RBFOX1: variants seen among roughly 807,000 people sequenced by gnomAD.
RBFOX1 encodes the protein RNA binding protein fox-1 homolog 1.
A neutral mutation model predicts 57.7 loss-of-function variants in RBFOX1; 8 were observed. That is an observed-to-expected ratio of 0.14 (90% confidence interval 0.08 to 0.25). RBFOX1 has a LOEUF of 0.25. Among genes scored for constraint, RBFOX1 ranks in the 10% least tolerant of loss-of-function variants. The pLI, the probability that RBFOX1 is intolerant of heterozygous loss-of-function variation, is 1.00. For missense variants in RBFOX1, 611 were observed against 548.5 expected, an observed-to-expected ratio of 1.11 and a Z score of -1.14; for synonymous variants, 326 against 222.4, an observed-to-expected ratio of 1.47 and a Z score of -4.15.
chr16:6,423,989 C>T (rs370018700), intron 2 of RBFOX1, among the ~76,000 whole-genome samples: 285 of 152,268 alleles, frequency 1.9e-3, no homozygotes, highest in African/African-American at 6.6e-3. Flanking sequence ...CCTGTAATCT[C>T]AGCGCTTTGG....
At chr16:5,772,387 C>G (rs896287666) in intron 3 of RBFOX1, among the ~76,000 whole-genome samples, 21 of 152,066 alleles carry the variant, frequency 1.4e-4, no homozygotes, top group Middle Eastern at 3.2e-3. Flanking sequence ...CACTTCTAAC[C>G]CACTGACTTG....
chr16:6,656,004 G>C (rs964610390), intron 3 of RBFOX1, among the ~76,000 whole-genome samples: 1 of 152,164 alleles, frequency 6.6e-6, no homozygotes, highest in African/African-American at 2.4e-5. Context: ...TTCAATCTGC[G>C]TGATCCCAGC....
intron 4 of RBFOX1, among the ~76,000 whole-genome samples, chr16:7,396,563 C>T (rs2098142152): frequency 6.6e-6 from 1 of 152,162 alleles, no homozygotes; most frequent in Non-Finnish European, 1.5e-5. Context: ...GCTGAGTTCT[C>T]ATTCTGGACT....
At chr16:5,657,676 TTTTCTTTC>T (rs199946037) in intron 3 of RBFOX1, among the ~76,000 whole-genome samples, 4 of 64,902 alleles carry the variant, frequency 6.2e-5, no homozygotes, top group East Asian at 4.6e-4. Context: ...CTTTCTTTTC[TTTTCTTTC>T]TTTCTTTCTT....
At chr16:7,514,245 T>C (rs1386382168) in intron 4 of RBFOX1, among the ~76,000 whole-genome samples, 1 of 152,170 alleles carries the variant, frequency 6.6e-6, no homozygotes, top group African/African-American at 2.4e-5. Context: ...CCAATAAAAC[T>C]TTATTTACAA....
intron 1 of RBFOX1, among the ~76,000 whole-genome samples, chr16:5,435,893 G>C (rs536851426): frequency 6.6e-6 from 1 of 152,246 alleles, no homozygotes. Context: ...ACTATCAACA[G>C]AGCTGCGGTG....
At chr16:5,779,715 A>T (rs2054266211) in intron 3 of RBFOX1, among the ~76,000 whole-genome samples, 1 of 152,166 alleles carries the variant, frequency 6.6e-6, no homozygotes, top group South Asian at 2.1e-4. Flanking sequence ...AAGTGGAATG[A>T]TGGGATTGTA....
intron 3 of RBFOX1, among the ~76,000 whole-genome samples, chr16:6,913,869 A>C (rs775119321): frequency 6.6e-6 from 1 of 152,174 alleles, no homozygotes; most frequent in Non-Finnish European, 1.5e-5. Context: ...GGGCCAATCT[A>C]TTAGCAAGGT....
At chr16:5,341,582 C>A (rs2065033727) in intron 1 of RBFOX1, among the ~76,000 whole-genome samples, 1 of 152,144 alleles carries the variant, frequency 6.6e-6, no homozygotes, top group Admixed American at 6.5e-5. Flanking sequence ...CATGGACACA[C>A]AACGTGAGCA....
chr16:5,257,703 G>A (rs1310354132), intron 1 of RBFOX1, among the ~76,000 whole-genome samples: 1 of 152,162 alleles, frequency 6.6e-6, no homozygotes, highest in Non-Finnish European at 1.5e-5. Flanking sequence ...AGGCGCATGG[G>A]TCGACTGAGC....
intron 5 of RBFOX1, among the ~76,000 whole-genome samples, chr16:7,558,944 CTT>C (rs2089584951): frequency 6.6e-6 from 1 of 152,198 alleles, no homozygotes; most frequent in African/African-American, 2.4e-5. Context: ...CACTGTTACT[CTT>C]TTGAAGATTT....
chr16:7,264,231 G>C (rs2095042544), intron 4 of RBFOX1, among the ~76,000 whole-genome samples: 1 of 152,094 alleles, frequency 6.6e-6, no homozygotes, highest in Non-Finnish European at 1.5e-5. Context: ...AGGTAAATAT[G>C]AAGGAAAAAG....
At chr16:6,388,379 G>C (rs1422140907) in intron 2 of RBFOX1, among the ~76,000 whole-genome samples, 2 of 150,502 alleles carry the variant, frequency 1.3e-5, no homozygotes, top group African/African-American at 4.8e-5. Flanking sequence ...CTCACAGAAA[G>C]TGTGAAGAAG....
At chr16:6,449,464 A>C (rs1001188954) in intron 2 of RBFOX1, among the ~76,000 whole-genome samples, 2 of 152,158 alleles carry the variant, frequency 1.3e-5, no homozygotes, top group Admixed American at 1.3e-4. Flanking sequence ...GGCTCTGCCT[A>C]AACGTTTGTT....
intron 3 of RBFOX1, among the ~76,000 whole-genome samples, chr16:5,619,074 C>T (rs1306514532): frequency 6.6e-6 from 1 of 152,276 alleles, no homozygotes; most frequent in Non-Finnish European, 1.5e-5. Flanking sequence ...TTCACAGTCA[C>T]CGTAGTTTGT....
At chr16:5,364,326 T>C (rs747192038) in intron 1 of RBFOX1, among the ~76,000 whole-genome samples, 1 of 152,184 alleles carries the variant, frequency 6.6e-6, no homozygotes, top group Non-Finnish European at 1.5e-5. Flanking sequence ...CTAGGCTTTC[T>C]TCCTTCTCTC....
intron 2 of RBFOX1, among the ~76,000 whole-genome samples, chr16:6,647,874 C>T (rs889252978): frequency 2.0e-5 from 3 of 152,086 alleles, no homozygotes; most frequent in Non-Finnish European, 4.4e-5. Context: ...GAGTCTTGTT[C>T]TTTGTTGCCC....
chr16:7,067,286 T>C (rs536936628), intron 4 of RBFOX1, among the ~76,000 whole-genome samples: 1 of 139,482 alleles, frequency 7.2e-6, no homozygotes, highest in South Asian at 2.6e-4. Context: ...TAGTTTTTTA[T>C]TGTGGCCCTA....
At chr16:7,479,961 T>G (rs558177116) in intron 4 of RBFOX1, among the ~76,000 whole-genome samples, 2 of 152,224 alleles carry the variant, frequency 1.3e-5, no homozygotes, top group Admixed American at 6.5e-5. Context: ...AAGGCAAATG[T>G]TGGGGCTTGG....
Sources: allele counts gnomAD v4.1 joint callset (sites outside exome capture counted in the v4.1 genomes callset), GRCh38; gene constraint gnomAD v4.1.1; transcripts MANE v1.5; gene names NCBI Gene and HGNC (gene_info 2026-07-23, HGNC 2026-07-21).